GRIA1: variants seen among roughly 807,000 people sequenced by gnomAD.
GRIA1 encodes glutamate receptor 1.
Under a neutral mutation model 99.2 loss-of-function variants are expected in GRIA1, and 31 were observed. The observed-to-expected ratio is 0.31, with a 90% CI of 0.23 to 0.42. GRIA1 has a LOEUF of 0.42. Ranked by LOEUF, GRIA1 falls within the 10% of genes least tolerant of loss-of-function variation. The pLI is 1.00. For missense variants in GRIA1, 782 were observed against 1,157.5 expected (o/e 0.68, Z 4.71); for synonymous variants, 438 against 432.4 (o/e 1.01, Z -0.16).
chr5:153,624,022 T>G (rs1767329212), intron 2 of GRIA1, among the ~76,000 whole-genome samples: 1 of 152,188 alleles, frequency 6.6e-6, no homozygotes, highest in Admixed American at 6.5e-5. Flanking sequence ...GGGAAACAAA[T>G]GGATACTGTC....
At chr5:153,707,785 T>G (rs1234709975) in intron 11 of GRIA1, among the ~76,000 whole-genome samples, 1 of 150,638 alleles carries the variant, frequency 6.6e-6, no homozygotes, top group African/African-American at 2.4e-5. Flanking sequence ...CATCGTTCAT[T>G]ATAATCTTGT....
chr5:153,489,807 C>T (rs1046125776), upstream of GRIA1: 1 of 456,660 alleles, frequency 2.2e-6, no homozygotes, highest in Admixed American at 2.3e-5. Flanking sequence ...TCACTAGAAT[C>T]CCTGCAAAAT....
rs192360224 is a variant in GRIA1, at chr5:153,576,641, A to G, written c.221-70287A>G. Among the ~76,000 whole-genome samples, 4 of 152,318 alleles carry G rather than the reference A, an allele frequency of 2.6e-5. No individual in the cohort carries two copies. In the East Asian group the frequency reaches 7.7e-4, roughly 29 times the overall value. On this transcript the variant is annotated intron_variant, in intron 2 of 15. Coordinates refer to ENST00000285900, the MANE Select transcript of GRIA1 (RefSeq NM_000827.4). ...GTTCTGTTAAAATATATATATTGTT[A>G]AAAAATTAAAGGTTATCTCCAGATA...
intron 13 of GRIA1, among the ~76,000 whole-genome samples, chr5:153,780,070 C>T (rs993840768): frequency 1.3e-5 from 2 of 152,218 alleles, no homozygotes; most frequent in Non-Finnish European, 2.9e-5. Context: ...CCTGCTGATA[C>T]ACAAATTGCA....
chr5:153,745,895 C>T (rs1346937624), intron 11 of GRIA1, among the ~76,000 whole-genome samples: 1 of 152,084 alleles, frequency 6.6e-6, no homozygotes, highest in African/African-American at 2.4e-5. Flanking sequence ...TGTCATCTTT[C>T]ACTTCTGAGA....
chr5:153,498,987 A>G (rs1485822480), intron 2 of GRIA1, among the ~76,000 whole-genome samples: 2 of 152,156 alleles, frequency 1.3e-5, no homozygotes, highest in Non-Finnish European at 2.9e-5. Flanking sequence ...AATAATATCT[A>G]TTACTTACCC....
At chr5:153,724,519 T>A (rs1052548121) in intron 11 of GRIA1, among the ~76,000 whole-genome samples, 1 of 152,104 alleles carries the variant, frequency 6.6e-6, no homozygotes, top group African/African-American at 2.4e-5. Flanking sequence ...GATGAATGTA[T>A]AACTAGAATA....
intron 4 of GRIA1, among the ~76,000 whole-genome samples, chr5:153,654,201 A>G (rs1173336398): frequency 6.6e-6 from 1 of 152,172 alleles, no homozygotes; most frequent in Non-Finnish European, 1.5e-5. Flanking sequence ...ATATTTGTGA[A>G]AGGAAGGTAT....
At chr5:153,687,483 G>T (rs964847813) in intron 8 of GRIA1, among the ~76,000 whole-genome samples, 5 of 152,124 alleles carry the variant, frequency 3.3e-5, no homozygotes, top group Admixed American at 3.3e-4. Flanking sequence ...TGAAAGTTGG[G>T]TCTTAATCTC....
At position 153,598,551 on chromosome 5, in the gene GRIA1, G is replaced by T. The variant is rs917225176; in HGVS notation, c.221-48377G>T. On this transcript the variant is annotated intron_variant, in intron 2 of 15. Coordinates refer to ENST00000285900, the MANE Select transcript of GRIA1 (RefSeq NM_000827.4). ...CTTGAATGCCAAGCAGCAGAGGTGA[G>T]GGAAGGACTCAGATCCTAAGGTGGT... Among the ~76,000 whole-genome samples, 4 of 152,242 alleles carry T rather than the reference G, an allele frequency of 2.6e-5. 1 individual carries two copies. The highest frequency in any genetic ancestry group is 1.3e-4 in the Admixed American group (2 of 15,292).
chr5:153,794,004 T>A (rs1765474154), intron 13 of GRIA1, among the ~76,000 whole-genome samples: 1 of 152,244 alleles, frequency 6.6e-6, no homozygotes, highest in Non-Finnish European at 1.5e-5. Flanking sequence ...CTGAAATGTC[T>A]GAAGTGTTTA....
intron 2 of GRIA1, among the ~76,000 whole-genome samples, chr5:153,634,881 G>T (rs949532736): frequency 6.6e-6 from 1 of 152,122 alleles, no homozygotes; most frequent in African/African-American, 2.4e-5. Flanking sequence ...AGATGAAGTG[G>T]GACTTAGTTT....
At chr5:153,795,340 A>G (rs559180969) in intron 14 of GRIA1, 8 of 584,718 alleles carry the variant, frequency 1.4e-5, no homozygotes, top group Non-Finnish European at 2.2e-5. Flanking sequence ...GCGGGGCCAG[A>G]TGGAGTATTT....
intron 2 of GRIA1, among the ~76,000 whole-genome samples, chr5:153,550,560 C>A (rs530002717): frequency 6.6e-6 from 1 of 152,128 alleles, no homozygotes; most frequent in African/African-American, 2.4e-5. Flanking sequence ...AAGGAAAAAA[C>A]CATATTTGCA....
intron 2 of GRIA1, among the ~76,000 whole-genome samples, chr5:153,556,241 G>T (rs1760631380): frequency 6.6e-6 from 1 of 151,940 alleles, no homozygotes; most frequent in Non-Finnish European, 1.5e-5. Flanking sequence ...CAGTGTGGGG[G>T]CGAAAGTTGG....
intron 2 of GRIA1, among the ~76,000 whole-genome samples, chr5:153,626,430 CTGTGTGTGTGTGTCTGTGTG>C (rs1363134560): frequency 1.5e-5 from 2 of 132,908 alleles, no homozygotes; most frequent in Non-Finnish European, 3.3e-5. Context: ...AATCTAGTCT[CTGTGTGTGTGTGTCTGTGTG>C]TGTGTGTGTG....
chr5:153,623,175 C>T (rs1767227801), intron 2 of GRIA1, among the ~76,000 whole-genome samples: 1 of 152,088 alleles, frequency 6.6e-6, no homozygotes. Flanking sequence ...ATAATGGCTT[C>T]CAAGAATGTG....
intron 11 of GRIA1, among the ~76,000 whole-genome samples, chr5:153,717,198 C>T (rs1355144186): frequency 6.6e-6 from 1 of 152,098 alleles, no homozygotes; most frequent in Non-Finnish European, 1.5e-5. Flanking sequence ...TGCACAAAAC[C>T]CTTTGTTACA....
intron 2 of GRIA1, among the ~76,000 whole-genome samples, chr5:153,576,560 C>A (rs1168239444): frequency 6.6e-6 from 1 of 152,136 alleles, no homozygotes; most frequent in Admixed American, 6.5e-5. Context: ...AGGAGTGGGC[C>A]TACTTGTTGA....
Sources: gnomAD v4.1 joint callset for allele counts (sites outside exome capture counted in the v4.1 genomes callset) on GRCh38, gnomAD v4.1.1 for gene constraint, MANE v1.5 for transcripts, NCBI Gene and HGNC (gene_info 2026-07-23, HGNC 2026-07-21) for gene names.